Variants in DCDC2C observed in about 807,000 individuals in gnomAD.
The protein encoded by DCDC2C is doublecortin domain-containing protein 2C.
Under a neutral mutation model 45.0 loss-of-function variants are expected in DCDC2C, and 44 were observed. That is an observed-to-expected ratio of 0.98 (90% CI 0.77 to 1.26). DCDC2C has a LOEUF of 1.26. DCDC2C is among the 50% of genes most tolerant of loss of function. The pLI is 0.00. For missense variants in DCDC2C, 447 were observed against 468.9 expected (o/e 0.95, Z 0.43); for synonymous variants, 187 against 178.8 (o/e 1.05, Z -0.37).
chr2:3,725,062 A>C (rs1055322395), intron 2 of DCDC2C, among the ~76,000 whole-genome samples: 14 of 152,054 alleles, frequency 9.2e-5, no homozygotes, highest in Non-Finnish European at 1.6e-4. Context: ...GGCCCTATTG[A>C]CAGGTTCAGG....
intron 10 of DCDC2C, among the ~76,000 whole-genome samples, chr2:3,793,462 G>A (rs1670877011): frequency 1.3e-5 from 2 of 152,194 alleles, no homozygotes; most frequent in African/African-American, 2.4e-5. Context: ...AAATGCGCCT[G>A]TGCCAGATGG....
intron 10 of DCDC2C, among the ~76,000 whole-genome samples, chr2:3,825,317 T>C (rs1056777160): frequency 2.6e-5 from 4 of 152,216 alleles, no homozygotes; most frequent in Non-Finnish European, 5.9e-5. Flanking sequence ...CTTGTCTTTC[T>C]CTTAGGCCCT....
At chr2:3,716,874 C>T (rs952986307) in intron 2 of DCDC2C, among the ~76,000 whole-genome samples, 2 of 152,116 alleles carry the variant, frequency 1.3e-5, no homozygotes, top group East Asian at 3.9e-4. Context: ...ATCAGGGATT[C>T]GTTCCTTTCT....
At chr2:3,773,378 C>T (rs747650848) in intron 8 of DCDC2C, among the ~76,000 whole-genome samples, 9 of 152,074 alleles carry the variant, frequency 5.9e-5, no homozygotes, top group Non-Finnish European at 1.2e-4. Context: ...GGCATCCACC[C>T]CTCCCCCACC....
At chr2:3,770,437 C>T (rs1670132617) in intron 8 of DCDC2C, among the ~76,000 whole-genome samples, 1 of 152,170 alleles carries the variant, frequency 6.6e-6, no homozygotes, top group African/African-American at 2.4e-5. Context: ...TCTAGCTTTC[C>T]ACTTCCTTTT....
chr2:3,719,595 C>T (rs1407616346), intron 2 of DCDC2C, among the ~76,000 whole-genome samples: 1 of 152,182 alleles, frequency 6.6e-6, no homozygotes, highest in Non-Finnish European at 1.5e-5. Context: ...TGTCAGGCAT[C>T]CCCCTGCCTC....
chr2:3,792,275 C>T (rs938254058), intron 10 of DCDC2C, among the ~76,000 whole-genome samples: 18 of 152,180 alleles, frequency 1.2e-4, no homozygotes, highest in African/African-American at 3.6e-4. Flanking sequence ...CTAGTTCAGC[C>T]GGATGGTCTT....
chr2:3,793,840 G>A (rs1433943863), intron 10 of DCDC2C, among the ~76,000 whole-genome samples: 2 of 152,156 alleles, frequency 1.3e-5, no homozygotes, highest in African/African-American at 4.8e-5. Flanking sequence ...TGGGGGCAGA[G>A]GCCAGGTCAT....
At chr2:3,708,200 T>C (rs1668120079) in intron 1 of DCDC2C, among the ~76,000 whole-genome samples, 1 of 152,160 alleles carries the variant, frequency 6.6e-6, no homozygotes, top group Non-Finnish European at 1.5e-5. Flanking sequence ...CATGGGAACA[T>C]TGATGAGCTC....
At chr2:3,788,915 C>G (rs1034943543) in intron 10 of DCDC2C, among the ~76,000 whole-genome samples, 1 of 147,974 alleles carries the variant, frequency 6.8e-6, no homozygotes, top group Non-Finnish European at 1.5e-5. Flanking sequence ...CCCTCTGTCA[C>G]CTGCAAGCTC....
intron 10 of DCDC2C, among the ~76,000 whole-genome samples, chr2:3,841,249 G>T (rs945238696): frequency 7.9e-5 from 12 of 152,120 alleles, no homozygotes; most frequent in African/African-American, 2.9e-4. Context: ...CTGGTGGGTT[G>T]CAGGTTGAGT....
intron 7 of DCDC2C, among the ~76,000 whole-genome samples, chr2:3,768,272 T>G (rs969252450): frequency 2.0e-5 from 3 of 152,158 alleles, no homozygotes; most frequent in African/African-American, 7.2e-5. Flanking sequence ...AAGAAACATT[T>G]AAAAGATGGA....
chr2:3,834,302 G>C (rs566139440), intron 10 of DCDC2C, among the ~76,000 whole-genome samples: 1 of 152,070 alleles, frequency 6.6e-6, no homozygotes, highest in Non-Finnish European at 1.5e-5. Flanking sequence ...TTATAGTGTT[G>C]TGCAGAGTAG....
Position 3,734,380 on chromosome 2 carries a change from G to A in DCDC2C, c.416+7301G>A, listed in dbSNP as rs1232828757. 1.3e-5 allele frequency among the ~76,000 whole-genome samples: 2 copies of A among 152,192 alleles called. No individual in the cohort carries two copies. The highest frequency in any genetic ancestry group is 4.8e-5 in the African/African-American group (2 of 41,442). ...GAGCGAGATCTACTTAGGGCAGAGG[G>A]GTTTCTGATGAATCTAATCTAGGAT... On this transcript the variant is annotated intron_variant, in intron 3 of 10. Transcript: ENST00000399143. This position sits in a 1 kb window ranked among gnomAD's most constrained non-coding sequence, Gnocchi z 4.2.
intron 2 of DCDC2C, among the ~76,000 whole-genome samples, chr2:3,710,911 A>G (rs190544026): frequency 6.6e-6 from 1 of 152,340 alleles, no homozygotes; most frequent in Admixed American, 6.5e-5. Flanking sequence ...ATAGTGCTGC[A>G]ATGAATGTAT....
chr2:3,778,828 A>G lies in DCDC2C; in HGVS notation c.967A>G (p.Ile323Val). 1 of 1,551,074 alleles carries G rather than the reference A, an allele frequency of 6.4e-7. No homozygotes were observed. The highest frequency in any genetic ancestry group is 8.7e-7 in the Non-Finnish European group (1 of 1,147,098). ...EVPVDQRQAE[I>V]VKEDEEIHEN... ...ATTTTCTCCCCAGAGACAAGCTGAGATAGTTAAAGAAGATGAAGAGATACA... is the reference window on the plus strand; with the variant it reads ...ATTTTCTCCCCAGAGACAAGCTGAGGTAGTTAAAGAAGATGAAGAGATACA... Residue 323 changes from isoleucine to valine, a missense_variant, in exon 9 of 11, where the codon ATA becomes GTA. Coordinates refer to ENST00000399143, the MANE Select transcript of DCDC2C (RefSeq NM_001287444.2).
At chr2:3,838,579 C>T (rs542556596) in intron 10 of DCDC2C, among the ~76,000 whole-genome samples, 4 of 152,128 alleles carry the variant, frequency 2.6e-5, no homozygotes, top group Non-Finnish European at 4.4e-5. Context: ...ATGGTACAAT[C>T]TGATGACAGG....
chr2:3,797,560 G>C (rs886459294), intron 10 of DCDC2C, among the ~76,000 whole-genome samples: 1 of 142,592 alleles, frequency 7.0e-6, no homozygotes, highest in African/African-American at 2.6e-5. Flanking sequence ...AGAGATTCTG[G>C]TATGTTGTGT....
chr2:3,719,722 C>A (rs1055959771), intron 2 of DCDC2C, among the ~76,000 whole-genome samples: 9 of 152,200 alleles, frequency 5.9e-5, no homozygotes, highest in Non-Finnish European at 1.0e-4. Flanking sequence ...CTTCAGGTAC[C>A]AAACCAGCCT....
Sources: allele counts gnomAD v4.1 joint callset (sites outside exome capture counted in the v4.1 genomes callset), GRCh38; gene constraint gnomAD v4.1.1; non-coding constraint Gnocchi (gnomAD v3.1); transcripts MANE v1.5; gene names NCBI Gene and HGNC (gene_info 2026-07-23, HGNC 2026-07-21).